FAM3D: variants seen among roughly 807,000 people sequenced by gnomAD.
The protein encoded by FAM3D is FAM3 metabolism regulating signaling molecule D.
Under a neutral mutation model 29.8 loss-of-function variants are expected in FAM3D, and 26 were observed. That is an observed-to-expected ratio of 0.87 (90% CI 0.64 to 1.21). The LOEUF (loss-of-function observed/expected upper bound fraction) is 1.21. FAM3D is among the 50% of genes most tolerant of loss of function. The pLI, the probability that FAM3D is intolerant of heterozygous loss-of-function variation, is 0.00. For missense variants in FAM3D, 253 were observed against 290.9 expected, an observed-to-expected ratio of 0.87 and a Z score of 0.95; for synonymous variants, 115 against 102.3, an observed-to-expected ratio of 1.12 and a Z score of -0.75.
chr3:58,642,300 C>T (rs1191489997), intron 6 of FAM3D, among the ~76,000 whole-genome samples: 1 of 152,192 alleles, frequency 6.6e-6, no homozygotes, highest in East Asian at 1.9e-4. Flanking sequence ...CTCCCCTGAC[C>T]CATTAGGGTT....
At chr3:58,652,068 T>C (rs1441897381) in intron 3 of FAM3D, among the ~76,000 whole-genome samples, 1 of 152,168 alleles carries the variant, frequency 6.6e-6, no homozygotes, top group Admixed American at 6.5e-5. Context: ...TGGTTCTTGG[T>C]CTTCAAGCGG....
Position 58,663,213 on chromosome 3 carries a change from T to C in FAM3D, c.-39+3363A>G, listed in dbSNP as rs533574468. On this transcript the variant is annotated intron_variant, in intron 1 of 9. Transcript: ENST00000358781. ...CATGCCTGGTCTCCTCCTACCACTT[T>C]TGAAGGACTTTCCAGGAGAGAGGAG... Among the ~76,000 whole-genome samples, 88 of 152,338 alleles carry C rather than the reference T, an allele frequency of 5.8e-4. 1 individual carries two copies. Among genetic ancestry groups the C allele is most frequent in the African/African-American group, 2.0e-3 (84 of 41,576 alleles).
intron 1 of FAM3D, among the ~76,000 whole-genome samples, chr3:58,661,491 T>C (rs960927362): frequency 6.6e-6 from 1 of 152,198 alleles, no homozygotes; most frequent in Non-Finnish European, 1.5e-5. Context: ...GATCATCCTC[T>C]GAAGGTGCCA....
intron 6 of FAM3D, among the ~76,000 whole-genome samples, chr3:58,640,690 TC>T (rs1358941266): frequency 6.6e-6 from 1 of 152,192 alleles, no homozygotes; most frequent in African/African-American, 2.4e-5. Flanking sequence ...TTTCCCAGGG[TC>T]CAGTAACCTG....
rs1463261739 is a variant in FAM3D, at chr3:58,655,492, CCAGGATGGGTGGACACAGCTGA to C, written c.13+37_13+58del. ...CAGATACAGCCAAATCACTGTGAGC[CCAGGATGGGTGGACACAGCTGA>C]CAGAAAAATGACTCCAAAACCAATT... On this transcript the variant is annotated intron_variant, in intron 2 of 9. Transcript: ENST00000358781. 7.5e-6 allele frequency: 12 copies of C among 1,607,654 alleles called. No homozygotes were observed. The East Asian group carries it at 2.5e-4, about 33-fold the overall frequency.
intron 1 of FAM3D, among the ~76,000 whole-genome samples, chr3:58,661,567 G>A (rs2066930176): frequency 6.6e-6 from 1 of 152,156 alleles, no homozygotes; most frequent in Non-Finnish European, 1.5e-5. Context: ...TGCACCCTTC[G>A]ACTTTGCAGA....
chr3:58,654,371 T>C (rs1003625570), intron 2 of FAM3D, among the ~76,000 whole-genome samples: 1 of 152,222 alleles, frequency 6.6e-6, no homozygotes, highest in African/African-American at 2.4e-5. Context: ...GGGTTGGGGC[T>C]GCCCCCCACA....
At chr3:58,650,446 G>T (rs541906288) in intron 3 of FAM3D, among the ~76,000 whole-genome samples, 1 of 152,264 alleles carries the variant, frequency 6.6e-6, no homozygotes, top group African/African-American at 2.4e-5. Flanking sequence ...TGCTTTTTCA[G>T]CCAAGGGAGA....
At chr3:58,652,138 G>C (rs1575485615) in intron 3 of FAM3D, among the ~76,000 whole-genome samples, 1 of 152,318 alleles carries the variant, frequency 6.6e-6, no homozygotes, top group South Asian at 2.1e-4. Context: ...GAAAGGATAT[G>C]AATCTGGGAG....
At chr3:58,656,976 C>T (rs2066822005) in intron 1 of FAM3D, among the ~76,000 whole-genome samples, 1 of 152,188 alleles carries the variant, frequency 6.6e-6, no homozygotes, top group Non-Finnish European at 1.5e-5. Flanking sequence ...AACAGTCCTC[C>T]CACCACCCTG....
Position 58,634,661 on chromosome 3 carries a change from T to A in FAM3D, c.586-293A>T, listed in dbSNP as rs115028767. Among the ~76,000 whole-genome samples the A allele has an allele frequency of 0.019, 2,907 of 152,190 alleles. 44 individuals carry two copies. The highest frequency in any genetic ancestry group is 0.066 in the South Asian group (318 of 4,810). ...TCTAGGATACCTCAAATAACAATAA[T>A]GATAGCAACAATAAAAAGAAGACTC... On this transcript the variant is annotated intron_variant, in intron 9 of 9. Coordinates refer to ENST00000358781, the MANE Select transcript of FAM3D (RefSeq NM_138805.3). The surrounding 1 kb of genome is among the most constrained non-coding windows in gnomAD (Gnocchi z 4.6).
rs1164688185 is a variant in FAM3D at position 58,655,604 on chromosome 3, A to G, written c.-38-3T>C. The G allele has an allele frequency of 1.9e-6, 3 of 1,608,436 alleles. No homozygotes were observed. The African/African-American group carries it at 4.0e-5, about 21-fold the overall frequency. On this transcript the variant is annotated splice_region_variant and splice_polypyrimidine_tract_variant and intron_variant, in intron 1 of 9. Coordinates refer to ENST00000358781, the MANE Select transcript of FAM3D (RefSeq NM_138805.3). ...GGTGGCTTGGGGTCAGCTTCCACCT[A>G]TGGAGAGAAGAAAATCCAGTCGGAA... is the stretch of plus-strand genomic sequence containing the variant.
chr3:58,639,805 C>T (rs1488314781), intron 7 of FAM3D, among the ~76,000 whole-genome samples: 2 of 152,260 alleles, frequency 1.3e-5, no homozygotes, highest in Non-Finnish European at 2.9e-5. Flanking sequence ...GGAGGAGGGC[C>T]GGGTGGGGTC....
At position 58,634,220 on chromosome 3, in the gene FAM3D, A is replaced by G; in HGVS notation, c.*59T>C. On this transcript the variant is annotated 3_prime_UTR_variant, in exon 10 of 10. Coordinates refer to ENST00000358781, the MANE Select transcript of FAM3D (RefSeq NM_138805.3). The surrounding 1 kb of genome is among the most constrained non-coding windows in gnomAD (Gnocchi z 4.6). The stretch of plus-strand genomic sequence containing the variant: ...CCTCCTCAGCCCCTGCCGGGCTCTG[A>G]CTCCTAAGTCAGGCAGGAGCTTCTT... 1 of 1,532,146 alleles carries G rather than the reference A, an allele frequency of 6.5e-7. No individual in the cohort carries two copies. The allele number at this position is 1,532,146 out of a possible 1,614,324, so 94.9% of individuals were successfully genotyped here. A position where few individuals can be genotyped will look rare whatever the true frequency, so the allele number is the denominator to read the frequency against.
intron 6 of FAM3D, 139 bp from the exon 7 acceptor site, chr3:58,640,316 G>T: frequency 1.0e-6 from 1 of 956,716 alleles, no homozygotes; most frequent in Non-Finnish European, 1.6e-6. Context: ...TAAAGAGCAC[G>T]CAGGACTAAA....
intron 1 of FAM3D, among the ~76,000 whole-genome samples, chr3:58,658,491 G>A (rs540628083): frequency 6.6e-6 from 1 of 152,224 alleles, no homozygotes; most frequent in East Asian, 1.9e-4. Flanking sequence ...TTGCACTTGC[G>A]AGTCCCTCTG....
intron 7 of FAM3D, among the ~76,000 whole-genome samples, chr3:58,639,432 G>A (rs988110364): frequency 1.3e-5 from 2 of 152,348 alleles, no homozygotes; most frequent in East Asian, 1.9e-4. Context: ...GAGACTGGAC[G>A]TTTTCCATAA....
rs1425779168 is a variant in FAM3D at position 58,649,297 on chromosome 3, G to A, written c.145+18C>T. 2 of 1,613,268 alleles carry A rather than the reference G, an allele frequency of 1.2e-6. No individual in the cohort carries two copies. Among genetic ancestry groups the A allele is most frequent in the South Asian group, 1.1e-5 (1 of 90,998 alleles). ...GTGGATGAGGTCGGGGGAGGTGTGG[G>A]GCTGCACAGATACTCACGGATCTCC... On this transcript the variant is annotated intron_variant, in intron 4 of 9. Transcript: ENST00000358781.
intron 3 of FAM3D, among the ~76,000 whole-genome samples, chr3:58,650,093 C>A (rs1258550005): frequency 6.6e-6 from 1 of 152,234 alleles, no homozygotes; most frequent in East Asian, 1.9e-4. Context: ...TATACCATAT[C>A]CTAGTTGTTT....
Sources: allele counts gnomAD v4.1 joint callset (sites outside exome capture counted in the v4.1 genomes callset), GRCh38; gene constraint gnomAD v4.1.1; non-coding constraint Gnocchi (gnomAD v3.1); transcripts MANE v1.5; gene names NCBI Gene and HGNC (gene_info 2026-07-23, HGNC 2026-07-21).